FRMD6: variants seen among roughly 807,000 people sequenced by gnomAD.
The protein encoded by FRMD6 is FERM domain containing 6.
A neutral mutation model predicts 73.2 loss-of-function variants in FRMD6; 37 were observed. The observed-to-expected ratio is 0.51, with a 90% CI of 0.39 to 0.66. The LOEUF (loss-of-function observed/expected upper bound fraction) is 0.66, where lower values mean the gene tolerates loss of function less well. FRMD6 is among the 30% of genes least tolerant of loss of function. The pLI is 0.00. For synonymous variants in FRMD6, 273 were observed against 282.2 expected (o/e 0.97, Z 0.33); for missense variants, 714 against 780.5 (o/e 0.91, Z 1.02).
At chr14:51,482,803 C>A in the FRMD6 span, among the ~76,000 whole-genome samples, 8 of 152,026 alleles carry the variant, frequency 5.3e-5, no homozygotes, top group African/African-American at 1.9e-4. Flanking sequence ...TGGGTTCACT[C>A]AATTCTCCTG....
At chr14:51,483,088 G>A in the FRMD6 span, among the ~76,000 whole-genome samples, 1 of 152,122 alleles carries the variant, frequency 6.6e-6, no homozygotes, top group Non-Finnish European at 1.5e-5. Context: ...TTTTTGCTTA[G>A]TTGTGTACTG....
At chr14:51,683,965 A>G (rs1331965249) in intron 1 of FRMD6, among the ~76,000 whole-genome samples, 1 of 152,166 alleles carries the variant, frequency 6.6e-6, no homozygotes, top group South Asian at 2.1e-4. Flanking sequence ...AGACGGCAAC[A>G]AAGAATCTGA....
chr14:51,486,935 CG>C (rs1050565081), upstream of FRMD6, among the ~76,000 whole-genome samples: 21 of 84,626 alleles, frequency 2.5e-4, no homozygotes, highest in African/African-American at 8.1e-4. Context: ...GGTATAAAAC[CG>C]TTTTTTTTTT....
intron 1 of FRMD6, among the ~76,000 whole-genome samples, chr14:51,680,008 C>T (rs935215415): frequency 2.0e-5 from 3 of 152,236 alleles, no homozygotes; most frequent in East Asian, 3.9e-4. Context: ...TGCAAAACCT[C>T]GGTTAAAGCT....
chr14:51,422,147 A>T, the FRMD6 span, among the ~76,000 whole-genome samples: 1 of 152,208 alleles, frequency 6.6e-6, no homozygotes, highest in Non-Finnish European at 1.5e-5. Flanking sequence ...TTTAAAATAT[A>T]TATCATCATC....
intron 1 of FRMD6, among the ~76,000 whole-genome samples, chr14:51,510,253 G>C (rs1293216898): frequency 6.6e-6 from 1 of 152,180 alleles, no homozygotes; most frequent in Non-Finnish European, 1.5e-5. Flanking sequence ...AGAAAGCAGA[G>C]GCTTTAAGAG....
intron 1 of FRMD6, among the ~76,000 whole-genome samples, chr14:51,684,501 TTAAA>T (rs1241773092): frequency 6.6e-6 from 1 of 152,206 alleles, no homozygotes; most frequent in African/African-American, 2.4e-5. Context: ...AATTGTATTA[TTAAA>T]TAAAAAACAG....
At chr14:51,669,210 C>T (rs1223060941) in intron 1 of FRMD6, among the ~76,000 whole-genome samples, 1 of 151,968 alleles carries the variant, frequency 6.6e-6, no homozygotes, top group Non-Finnish European at 1.5e-5. Context: ...TGTATTCATC[C>T]ATTTTCTTGC....
chr14:51,408,750 T>C, the FRMD6 span, among the ~76,000 whole-genome samples: 1 of 152,196 alleles, frequency 6.6e-6, no homozygotes, highest in Non-Finnish European at 1.5e-5. Context: ...GTGTCTAATT[T>C]TCAGTTCTTT....
At chr14:51,698,014 C>T in intron 2 of FRMD6, 128 bp from the exon 3 acceptor site, 1 of 606,210 alleles carries the variant, frequency 1.6e-6, no homozygotes. Context: ...GATAAAGCAG[C>T]AGTTGTTTTC....
rs1898139151 is a variant in FRMD6, at chr14:51,729,244, T to C, written c.*1215T>C. ...GCGGGACCCAAGTAGAATTGCCTTT[T>C]CTTTTAAAGTTCTCCAGATGGAGCT... is the stretch of plus-strand genomic sequence containing the variant. On this transcript the variant is annotated 3_prime_UTR_variant, in exon 14 of 14. Coordinates refer to ENST00000344768, the MANE Select transcript of FRMD6 (RefSeq NM_001267046.2). The C allele has an allele frequency of 6.6e-6, 1 of 152,216 alleles. No individual in the cohort carries two copies. Among genetic ancestry groups the C allele is most frequent in the Non-Finnish European group, 1.5e-5 (1 of 68,042 alleles). 9.4% of individuals were successfully genotyped at this position (152,216 alleles called of 1,614,324 possible). A position where few individuals can be genotyped will look rare whatever the true frequency, so the allele number is the denominator to read the frequency against.
At chr14:51,644,738 ATTTG>A (rs1891988935) in intron 2 of FRMD6, among the ~76,000 whole-genome samples, 1 of 152,228 alleles carries the variant, frequency 6.6e-6, no homozygotes, top group Admixed American at 6.5e-5. Flanking sequence ...AATATGGACT[ATTTG>A]CAGAACAGAA....
intron 1 of FRMD6, chr14:51,547,902 A>AG (rs1555374499): frequency 8.6e-5 from 13 of 151,814 alleles, no homozygotes; most frequent in Non-Finnish European, 1.3e-4. Flanking sequence ...AAAAAAAAAA[A>AG]CTATCTTGGG....
At chr14:51,579,685 T>G (rs991945313) in intron 2 of FRMD6, among the ~76,000 whole-genome samples, 3 of 152,212 alleles carry the variant, frequency 2.0e-5, no homozygotes, top group African/African-American at 7.2e-5. Flanking sequence ...TATGATTCTC[T>G]GGTCCTTACT....
At chr14:51,430,406 CAGA>C in the FRMD6 span, among the ~76,000 whole-genome samples, 1 of 152,188 alleles carries the variant, frequency 6.6e-6, no homozygotes, top group Non-Finnish European at 1.5e-5. Context: ...CCACTAATAG[CAGA>C]AGATCTAACC....
At chr14:51,693,487 AG>A (rs2140389193) in intron 2 of FRMD6, among the ~76,000 whole-genome samples, 1 of 152,248 alleles carries the variant, frequency 6.6e-6, no homozygotes, top group African/African-American at 2.4e-5. Flanking sequence ...TTTGCAATCT[AG>A]GGCAAATTTT....
intron 1 of FRMD6, among the ~76,000 whole-genome samples, chr14:51,527,301 T>C (rs986146644): frequency 6.6e-6 from 1 of 152,240 alleles, no homozygotes; most frequent in Non-Finnish European, 1.5e-5. Flanking sequence ...CCATGGTTTA[T>C]AAACATTAAC....
intron 1 of FRMD6, among the ~76,000 whole-genome samples, chr14:51,676,773 C>G (rs1403067294): frequency 2.6e-5 from 4 of 152,044 alleles, no homozygotes; most frequent in Non-Finnish European, 5.9e-5. Context: ...TTCTGTAGAA[C>G]CTTTGAAGTT....
chr14:51,478,383 A>T, the FRMD6 span, among the ~76,000 whole-genome samples: 3 of 152,372 alleles, frequency 2.0e-5, no homozygotes, highest in African/African-American at 4.8e-5. Context: ...TAGTCAGTGG[A>T]AACGTAAAGT....
Sources: allele counts gnomAD v4.1 joint callset (sites outside exome capture counted in the v4.1 genomes callset), GRCh38; gene constraint gnomAD v4.1.1; transcripts MANE v1.5; gene names NCBI Gene and HGNC (gene_info 2026-07-23, HGNC 2026-07-21).